TRIP12: variants seen among roughly 807,000 people sequenced by gnomAD.
TRIP12 encodes the protein E3 ubiquitin-protein ligase TRIP12.
TRIP12 carries 25 observed loss-of-function variants against 244.2 expected under a neutral mutation model. That is an observed-to-expected ratio of 0.10 (90% CI 0.07 to 0.14). The LOEUF is 0.14. Among genes scored for constraint, TRIP12 ranks in the 10% least tolerant of loss-of-function variants. The probability of loss-of-function intolerance (pLI) is 1.00; values close to 1 mark genes in which losing one functional copy is unlikely to be tolerated. For synonymous variants in TRIP12, 905 were observed against 873.1 expected (o/e 1.04, Z -0.64); for missense variants, 1,677 against 2,486.4 (o/e 0.67, Z 6.92).
intron 34 of TRIP12, 103 bp downstream of exon 34, chr2:229,785,654 C>A (rs899580929): frequency 1.1e-5 from 12 of 1,062,610 alleles, no homozygotes; most frequent in Admixed American, 1.0e-4. Context: ...AGAGCAAAGT[C>A]TCCCAACTGT....
intron 6 of TRIP12, among the ~76,000 whole-genome samples, chr2:229,832,449 C>G (rs2053691761): frequency 6.6e-6 from 1 of 152,150 alleles, no homozygotes. Flanking sequence ...GACAGATTAA[C>G]CAGAAATACT....
At chr2:229,890,097 T>G (rs1384250123) in intron 1 of TRIP12, among the ~76,000 whole-genome samples, 1 of 110,938 alleles carries the variant, frequency 9.0e-6, no homozygotes, top group East Asian at 2.8e-4. Context: ...TTTTTTTTTT[T>G]GAGATGGAGT....
At chr2:229,864,047 A>AGAGAGAGAGTGAGTGTGT in intron 2 of TRIP12, among the ~76,000 whole-genome samples, 11 of 79,310 alleles carry the variant, frequency 1.4e-4, no homozygotes, top group East Asian at 8.7e-4. Context: ...AGAGAGAGAG[A>AGAGAGAGAGTGAGTGTGT]GTGTGTGTGT....
intron 5 of TRIP12, among the ~76,000 whole-genome samples, chr2:229,837,723 C>A (rs2055206173): frequency 1.3e-5 from 2 of 152,078 alleles, no homozygotes; most frequent in South Asian, 4.2e-4. Context: ...TTCCAGATTA[C>A]CTAAATCATA....
chr2:229,868,715 G>A (rs1209559596), intron 2 of TRIP12, among the ~76,000 whole-genome samples: 10 of 152,102 alleles, frequency 6.6e-5, no homozygotes, highest in South Asian at 2.1e-4. Flanking sequence ...CACTCACACC[G>A]GTTAAACAGA....
chr2:229,805,222 A>AAACAAC (rs1297499840), intron 18 of TRIP12, among the ~76,000 whole-genome samples: 11,626 of 149,430 alleles, frequency 0.078, 577 homozygotes, highest in African/African-American at 0.13. Context: ...GCCCTTTTCA[A>AAACAAC]AACAACAACA....
chr2:229,778,374 G>A lies in TRIP12; in HGVS notation c.5364+59C>T, dbSNP rs984512579. ...ATAGCAGTAAACTACAGGGGACTGA[G>A]GTACTTGCACAGAACATTCTACACC... is the stretch of plus-strand genomic sequence containing the variant. On this transcript the variant is annotated intron_variant, in intron 36 of 41. Coordinates refer to ENST00000675903, the MANE Select transcript of TRIP12 (RefSeq NM_001348323.3). This position sits in a 1 kb window ranked among gnomAD's most constrained non-coding sequence, Gnocchi z 4.1. 9.3e-5 allele frequency: 149 copies of A among 1,594,362 alleles called. No homozygotes were observed. The highest frequency in any genetic ancestry group is 1.2e-4 in the Non-Finnish European group (137 of 1,165,130).
At chr2:229,848,805 T>C (rs1314633756) in intron 4 of TRIP12, among the ~76,000 whole-genome samples, 1 of 152,182 alleles carries the variant, frequency 6.6e-6, no homozygotes, top group East Asian at 1.9e-4. Context: ...CAGAATACAC[T>C]ATATAATTCT....
intron 1 of TRIP12, among the ~76,000 whole-genome samples, chr2:229,913,671 A>G (rs1415163942): frequency 6.6e-6 from 1 of 152,192 alleles, no homozygotes; most frequent in Non-Finnish European, 1.5e-5. Context: ...ATGGCAAACG[A>G]TGCTAATATT....
chr2:229,846,292 TG>T (rs35996150), intron 4 of TRIP12, among the ~76,000 whole-genome samples: 5,140 of 152,244 alleles, frequency 0.034, 297 homozygotes, highest in African/African-American at 0.12. Flanking sequence ...TTTATCGTTT[TG>T]AAACTTCCAC....
At chr2:229,816,662 C>T (rs1040970740) in intron 9 of TRIP12, among the ~76,000 whole-genome samples, 6 of 152,192 alleles carry the variant, frequency 3.9e-5, no homozygotes, top group African/African-American at 1.2e-4. Context: ...TAACAACCAG[C>T]ACATTAAGTA....
chr2:229,847,842 T>G (rs1209657751), intron 4 of TRIP12, among the ~76,000 whole-genome samples: 2 of 152,210 alleles, frequency 1.3e-5, no homozygotes, highest in Non-Finnish European at 2.9e-5. Flanking sequence ...AACAAGACCT[T>G]TATTCTTTAG....
intron 2 of TRIP12, among the ~76,000 whole-genome samples, chr2:229,867,171 GT>G (rs11335613): frequency 0.47 from 58,380 of 123,180 alleles, 13,748 homozygotes; most frequent in East Asian, 0.67. Flanking sequence ...TTGTTTGTTT[GT>G]TTTTTTTTTT....
At chr2:229,807,963 T>C in intron 16 of TRIP12, 99 bp from the exon 17 acceptor site, 1 of 1,313,866 alleles carries the variant, frequency 7.6e-7, no homozygotes, top group Non-Finnish European at 1.0e-6. Flanking sequence ...AAAAGTTGTA[T>C]TTAGACCAAT....
chr2:229,865,969 C>A (rs2061447161), intron 2 of TRIP12, among the ~76,000 whole-genome samples: 1 of 152,002 alleles, frequency 6.6e-6, no homozygotes, highest in African/African-American at 2.4e-5. Context: ...AAATACTGCC[C>A]CTAGGAAGCA....
intron 1 of TRIP12, among the ~76,000 whole-genome samples, chr2:229,920,259 T>C (rs2076246923): frequency 6.6e-6 from 1 of 152,138 alleles, no homozygotes; most frequent in South Asian, 2.1e-4. Context: ...CTTTAAAAAA[T>C]GAAATGCCAA....
intron 2 of TRIP12, among the ~76,000 whole-genome samples, chr2:229,878,092 T>C (rs2063974659): frequency 1.3e-5 from 2 of 152,200 alleles, no homozygotes; most frequent in South Asian, 4.1e-4. Context: ...TTCTGTGGAC[T>C]AAGAAACTGA....
chr2:229,787,679 G>GT lies in TRIP12; in HGVS notation c.4839-19dup. ...AAAATGGGCTGTAAAAAGATGCAAT[G>GT]TAAGTTTATTATCTGGATGAGAATC... On this transcript the variant is annotated intron_variant, in intron 32 of 41. Transcript: ENST00000675903. 3 of 1,574,382 alleles carry GT rather than the reference G, an allele frequency of 1.9e-6. No individual in the cohort carries two copies. Among genetic ancestry groups the GT allele is most frequent in the Non-Finnish European group, 2.6e-6 (3 of 1,160,444 alleles).
At chr2:229,805,225 C>CAACAACAACAACAACAACAACAACA (rs1198718222) in intron 18 of TRIP12, among the ~76,000 whole-genome samples, 376 of 150,028 alleles carry the variant, frequency 2.5e-3, no homozygotes, top group Non-Finnish European at 4.4e-3. Flanking sequence ...CTTTTCAAAA[C>CAACAACAACAACAACAACAACAACA]AACAACAACA....
Sources: gnomAD v4.1 joint callset for allele counts (sites outside exome capture counted in the v4.1 genomes callset) on GRCh38, gnomAD v4.1.1 for gene constraint, Gnocchi (gnomAD v3.1) non-coding constraint, MANE v1.5 for transcripts, NCBI Gene and HGNC (gene_info 2026-07-23, HGNC 2026-07-21) for gene names.